The following UROC1 variants were observed in gnomAD, a reference collection of about 807,000 sequenced individuals.
The protein encoded by UROC1 is urocanate hydratase 1.
In UROC1, 79 loss-of-function variants were observed where a neutral mutation model predicts 89.5. The ratio of observed to expected loss-of-function variants is 0.88; its 90% CI spans 0.74 to 1.06. The LOEUF is 1.06. Among genes scored for constraint, UROC1 ranks in the 50% least tolerant of loss-of-function variants. The pLI, the probability that UROC1 is intolerant of heterozygous loss-of-function variation, is 0.00. For missense variants in UROC1, 885 were observed against 907.8 expected, an observed-to-expected ratio of 0.97 and a Z score of 0.32; for synonymous variants, 361 against 354.8, an observed-to-expected ratio of 1.02 and a Z score of -0.20.
chr3:126,492,535 C>A lies in UROC1; in HGVS notation c.1510-19G>T, dbSNP rs2107536847. The A allele has an allele frequency of 6.2e-7, 1 of 1,600,506 alleles. No individual in the cohort carries two copies. The highest frequency in any genetic ancestry group is 8.5e-7 in the Non-Finnish European group (1 of 1,172,642). On this transcript the variant is annotated intron_variant, in intron 15 of 19. Coordinates refer to ENST00000290868, the MANE Select transcript of UROC1 (RefSeq NM_144639.3). ...CCACCACCTGAGGAGAGAAGGGCAACTGGCATCTCAGCCAACATAGGCAGC... is the reference window on the plus strand; with the variant it reads ...CCACCACCTGAGGAGAGAAGGGCAAATGGCATCTCAGCCAACATAGGCAGC...
chr3:126,484,342 A>G (rs1314328819), intron 18 of UROC1, among the ~76,000 whole-genome samples: 1 of 152,140 alleles, frequency 6.6e-6, no homozygotes, highest in Non-Finnish European at 1.5e-5. Context: ...CTGCCCTTGA[A>G]GCATCCAGCC....
In UROC1 at chr3:126,500,865, C is replaced by G; in HGVS notation, c.975G>C (p.Leu325=). Residue 325 remains leucine, a synonymous_variant, in exon 11 of 20, where the codon CTG becomes CTC. Coordinates refer to ENST00000290868, the MANE Select transcript of UROC1 (RefSeq NM_144639.3). ...HGNVVALWER[L]VHELDTTGEC... The stretch of plus-strand genomic sequence containing the variant: ...CCCCCGTCGTGTCCAATTCGTGGAC[C>G]AGGCGCTCCCTGGGGAAGCCATGCG... The G allele has an allele frequency of 1.9e-6, 3 of 1,613,756 alleles. No individual in the cohort carries two copies. The highest frequency in any genetic ancestry group is 2.7e-5 in the African/African-American group (2 of 75,042).
In UROC1 at chr3:126,497,997, G is replaced by A. The variant is rs866556795; in HGVS notation, c.1438+54C>T. On this transcript the variant is annotated intron_variant, in intron 14 of 19. Coordinates refer to ENST00000290868, the MANE Select transcript of UROC1 (RefSeq NM_144639.3). ...GCTATAGAAGCTTGTCTCTATGGAG[G>A]CAGAAGCTTTGGGGGGGCCACCCAC... The A allele has an allele frequency of 1.4e-5, 23 of 1,612,722 alleles. No individual in the cohort carries two copies. In the African/African-American group the frequency reaches 2.5e-4, roughly 18 times the overall value.
chr3:126,502,598 CTG>C (rs1266376544), intron 9 of UROC1, among the ~76,000 whole-genome samples: 4 of 148,786 alleles, frequency 2.7e-5, no homozygotes, highest in East Asian at 4.1e-4. Context: ...GTGTGTATGT[CTG>C]TGTCTGTATT....
chr3:126,504,465 C>T (rs1214423285), intron 8 of UROC1, among the ~76,000 whole-genome samples: 1 of 152,170 alleles, frequency 6.6e-6, no homozygotes, highest in Non-Finnish European at 1.5e-5. Flanking sequence ...AGAGTCATAG[C>T]AGACACTTCC....
chr3:126,507,966 C>T lies in UROC1; in HGVS notation c.540+1G>A. On this transcript the variant is annotated splice_donor_variant, in intron 5 of 19. Transcript: ENST00000290868. LOFTEE classifies it high-confidence loss of function. ...TGCTGTGCCACCTGCTGGGGACCCA[C>T]CATCCCATTGGTGATGACGAGCCGT... 2 of 1,613,890 alleles carry T rather than the reference C, an allele frequency of 1.2e-6. No homozygotes were observed. Among genetic ancestry groups the T allele is most frequent in the Non-Finnish European group, 1.7e-6 (2 of 1,180,026 alleles).
At position 126,508,114 on chromosome 3, in the gene UROC1, G is replaced by A. The variant is rs768549545; in HGVS notation, c.412-19C>T. On this transcript the variant is annotated intron_variant, in intron 4 of 19. Transcript: ENST00000290868. ...GCCAGAACTGGGGGAAGAGCAGAGC[G>A]TGGGGATTCTGTCAACAGAAGCAGC... 18 of 1,613,344 alleles carry A rather than the reference G, an allele frequency of 1.1e-5. No individual in the cohort carries two copies. Among genetic ancestry groups the A allele is most frequent in the South Asian group, 3.3e-5 (3 of 91,068 alleles).
rs1432536740 is a variant in UROC1 at position 126,482,323 on chromosome 3, G to T, written c.*22C>A. ...GGATCGCCAGGGAGGAAGGGAGGCAGGGGCCGCGACTCCTGGCTCCCTCAG... is the reference window on the plus strand; with the variant it reads ...GGATCGCCAGGGAGGAAGGGAGGCATGGGCCGCGACTCCTGGCTCCCTCAG... On this transcript the variant is annotated 3_prime_UTR_variant, in exon 20 of 20. Coordinates refer to ENST00000290868, the MANE Select transcript of UROC1 (RefSeq NM_144639.3). The T allele has an allele frequency of 1.2e-6, 2 of 1,609,990 alleles. No individual in the cohort carries two copies. The highest frequency in any genetic ancestry group is 8.5e-7 in the Non-Finnish European group (1 of 1,178,088).
chr3:126,484,075 G>T (rs1301916918), intron 18 of UROC1, among the ~76,000 whole-genome samples: 1 of 152,056 alleles, frequency 6.6e-6, no homozygotes, highest in Non-Finnish European at 1.5e-5. Flanking sequence ...TGCCTCAAGT[G>T]TATGGGGGGT....
chr3:126,504,905 G>C (rs528923211), intron 8 of UROC1, among the ~76,000 whole-genome samples: 1 of 152,320 alleles, frequency 6.6e-6, no homozygotes, highest in South Asian at 2.1e-4. Flanking sequence ...CCTGGTGTTG[G>C]AAGTGGGGCC....
chr3:126,515,277 G>C (rs574387768), intron 1 of UROC1, among the ~76,000 whole-genome samples: 1 of 152,052 alleles, frequency 6.6e-6, no homozygotes, highest in African/African-American at 2.4e-5. Flanking sequence ...TGATCAAAGG[G>C]AGGAAACATT....
chr3:126,501,748 A>G, intron 9 of UROC1: 1 of 1,576,324 alleles, frequency 6.3e-7, no homozygotes, highest in Non-Finnish European at 8.6e-7. Flanking sequence ...AAAAAGCAGC[A>G]ATGCACAGGG....
chr3:126,486,693 C>T (rs1409819231), intron 18 of UROC1, among the ~76,000 whole-genome samples: 2 of 152,204 alleles, frequency 1.3e-5, no homozygotes, highest in Non-Finnish European at 2.9e-5. Flanking sequence ...AGCCTGGAAA[C>T]AGGGATCAAT....
chr3:126,483,581 G>T (rs530432314), intron 18 of UROC1, 113 bp from the exon 19 acceptor site: 5 of 962,518 alleles, frequency 5.2e-6, no homozygotes, highest in Non-Finnish European at 6.4e-6. Flanking sequence ...GGTTGGGGCC[G>T]CCACACCGCC....
rs531755748 is a variant in UROC1, at chr3:126,509,238, TAA to T, written c.351+345_351+346del. ...GCCACAGAGTGAGACCCTGTCTCTC[TAA>T]AAAAAAAAAAAAAAGTAAAAAAATA... On this transcript the variant is annotated intron_variant, in intron 3 of 19. Coordinates refer to ENST00000290868, the MANE Select transcript of UROC1 (RefSeq NM_144639.3). Among the ~76,000 whole-genome samples, 63 of 122,490 alleles carry T rather than the reference TAA, an allele frequency of 5.1e-4. No individual in the cohort carries two copies. In the Middle Eastern group the frequency reaches 0.013, roughly 26 times the overall value. The allele number at this position is 122,490 out of a possible 152,430, so 80.4% of individuals were successfully genotyped here. A position where few individuals can be genotyped will look rare whatever the true frequency, so the allele number is the denominator to read the frequency against.
At chr3:126,511,375 T>C (rs980980646) in intron 1 of UROC1, among the ~76,000 whole-genome samples, 1 of 152,174 alleles carries the variant, frequency 6.6e-6, no homozygotes, top group African/African-American at 2.4e-5. Context: ...CTAACTCCTT[T>C]CATTTCACTT....
chr3:126,485,591 ATTT>A (rs796190288), intron 18 of UROC1, among the ~76,000 whole-genome samples: 1 of 134,532 alleles, frequency 7.4e-6, no homozygotes, highest in African/African-American at 2.9e-5. Flanking sequence ...TTCCCCATTT[ATTT>A]ATTTATTTTT....
At chr3:126,513,005 A>G (rs1231741674) in intron 1 of UROC1, among the ~76,000 whole-genome samples, 1 of 152,244 alleles carries the variant, frequency 6.6e-6, no homozygotes, top group Non-Finnish European at 1.5e-5. Flanking sequence ...TGGGAAGCTA[A>G]TACAGGCAGT....
At position 126,508,102 on chromosome 3, in the gene UROC1, G is replaced by T. The variant is rs144050027; in HGVS notation, c.412-7C>A. 326 of 1,613,682 alleles carry T rather than the reference G, an allele frequency of 2.0e-4. 1 individual carries two copies. In the African/African-American group the frequency reaches 2.8e-3, roughly 14 times the overall value. Reference sequence around the variant, plus strand: ...AGAACATGGTCAGCCAGAACTGGGGGAAGAGCAGAGCGTGGGGATTCTGTC... The same window carrying T: ...AGAACATGGTCAGCCAGAACTGGGGTAAGAGCAGAGCGTGGGGATTCTGTC... On this transcript the variant is annotated splice_polypyrimidine_tract_variant and splice_region_variant and intron_variant, in intron 4 of 19. Transcript: ENST00000290868.
Sources: gnomAD v4.1 joint callset for allele counts (sites outside exome capture counted in the v4.1 genomes callset) on GRCh38, gnomAD v4.1.1 for gene constraint, MANE v1.5 for transcripts, NCBI Gene and HGNC (gene_info 2026-07-23, HGNC 2026-07-21) for gene names.